The following PTPRT variants were observed in gnomAD, a reference collection of about 807,000 sequenced individuals.
PTPRT encodes receptor-type tyrosine-protein phosphatase T.
PTPRT carries 56 observed loss-of-function variants against 176.8 expected under a neutral mutation model. The observed-to-expected ratio is 0.32, with a 90% confidence interval of 0.26 to 0.40. The LOEUF (loss-of-function observed/expected upper bound fraction) is 0.40. Ranked by LOEUF, PTPRT falls within the 10% of genes least tolerant of loss-of-function variation. The pLI is 1.00. For synonymous variants in PTPRT, 783 were observed against 739.0 expected (o/e 1.06, Z -0.96); for missense variants, 1,540 against 1,908.2 (o/e 0.81, Z 3.60).
At chr20:42,517,730 A>G (rs2072095960) in intron 7 of PTPRT, among the ~76,000 whole-genome samples, 1 of 151,962 alleles carries the variant, frequency 6.6e-6, no homozygotes, top group Non-Finnish European at 1.5e-5. Flanking sequence ...TTTCACTGTG[A>G]TTTCTCCTTT....
At chr20:42,161,661 T>G (rs1010815660) in intron 16 of PTPRT, 119 bp from the exon 17 acceptor site, 27 of 921,240 alleles carry the variant, frequency 2.9e-5, no homozygotes, top group Middle Eastern at 3.4e-4. Context: ...ACTCAACTGA[T>G]AGGGAAACTG....
chr20:42,788,586 C>T (rs1275329247), intron 3 of PTPRT, among the ~76,000 whole-genome samples: 4 of 152,134 alleles, frequency 2.6e-5, no homozygotes, highest in Non-Finnish European at 5.9e-5. Flanking sequence ...TCCAGGATTG[C>T]GGGAGTCACC....
intron 1 of PTPRT, among the ~76,000 whole-genome samples, chr20:42,940,103 A>G (rs1289017466): frequency 1.3e-5 from 2 of 152,180 alleles, no homozygotes; most frequent in African/African-American, 4.8e-5. Context: ...GATAGTCCTT[A>G]TTACTTTAGT....
At chr20:42,534,812 G>A (rs568515626) in intron 7 of PTPRT, among the ~76,000 whole-genome samples, 3 of 152,178 alleles carry the variant, frequency 2.0e-5, no homozygotes, top group East Asian at 3.9e-4. Context: ...CACTCTGCTC[G>A]ATTGCTCCCT....
chr20:42,036,360 T>G, the PTPRT span, among the ~76,000 whole-genome samples: 1 of 152,334 alleles, frequency 6.6e-6, no homozygotes, highest in East Asian at 1.9e-4. Flanking sequence ...AATTGCTGTG[T>G]GCCAGCCACA....
intron 12 of PTPRT, among the ~76,000 whole-genome samples, chr20:42,315,312 T>C (rs924279482): frequency 6.6e-6 from 1 of 151,946 alleles, no homozygotes; most frequent in Non-Finnish European, 1.5e-5. Context: ...AAACCATGAT[T>C]AGTGCATTCC....
intron 1 of PTPRT, among the ~76,000 whole-genome samples, chr20:43,058,812 C>T (rs188300896): frequency 0.06 from 9,121 of 151,064 alleles, 365 homozygotes; most frequent in Middle Eastern, 0.13. Flanking sequence ...ACTAAGAAAA[C>T]CTTATTTTTT....
At chr20:43,129,073 C>T (rs2013554932) in intron 1 of PTPRT, among the ~76,000 whole-genome samples, 1 of 152,198 alleles carries the variant, frequency 6.6e-6, no homozygotes, top group Non-Finnish European at 1.5e-5. Flanking sequence ...TTGTTGTATT[C>T]ACTCTCATCT....
intron 18 of PTPRT, among the ~76,000 whole-genome samples, chr20:42,138,223 TCTC>T (rs1214197018): frequency 6.6e-6 from 1 of 152,160 alleles, no homozygotes; most frequent in East Asian, 1.9e-4. Context: ...GGTCAACAGA[TCTC>T]CTGTTCTCTG....
At chr20:42,298,962 G>A (rs977970129) in intron 12 of PTPRT, among the ~76,000 whole-genome samples, 2 of 151,298 alleles carry the variant, frequency 1.3e-5, no homozygotes, top group Non-Finnish European at 2.9e-5. Context: ...CTGTGCAGCT[G>A]TAAAAAAAAA....
chr20:42,805,666 C>T lies in PTPRT; in HGVS notation c.215-14200G>A, dbSNP rs1453329782. Among the ~76,000 whole-genome samples, 3 of 152,254 alleles carry T rather than the reference C, an allele frequency of 2.0e-5. No homozygotes were observed. In the East Asian group the frequency reaches 5.8e-4, roughly 29 times the overall value. ...TGCCAGTTTTTCATGCCATGATTAC[C>T]CCTTTTAAAATTCTTGATTTTTAGC... On this transcript the variant is annotated intron_variant, in intron 2 of 30. Coordinates refer to ENST00000373187, the MANE Select transcript of PTPRT (RefSeq NM_007050.6).
chr20:42,903,666 T>G (rs957176459), intron 1 of PTPRT, among the ~76,000 whole-genome samples: 4 of 152,168 alleles, frequency 2.6e-5, no homozygotes. Context: ...ACCTTGGCCG[T>G]TAAGTGTGCA....
chr20:42,748,971 G>A (rs893990145), intron 6 of PTPRT, among the ~76,000 whole-genome samples: 5 of 152,110 alleles, frequency 3.3e-5, no homozygotes, highest in Admixed American at 1.3e-4. Context: ...TAAGCACCTT[G>A]CACTCGGAAC....
intron 7 of PTPRT, among the ~76,000 whole-genome samples, chr20:42,566,852 T>A (rs1271699339): frequency 5.9e-5 from 9 of 152,184 alleles, no homozygotes; most frequent in Admixed American, 5.9e-4. Flanking sequence ...AACCCACAAA[T>A]GTGCCATGGC....
In PTPRT at chr20:42,297,486, G is replaced by A. The variant is rs556288522; in HGVS notation, c.2140-14961C>T. Reference sequence around the variant, plus strand: ...ACTCTAATTAATGTATAAATTTAATGCAATCCCAGAATTACTAATAGACTT... The same window carrying A: ...ACTCTAATTAATGTATAAATTTAATACAATCCCAGAATTACTAATAGACTT... On this transcript the variant is annotated intron_variant, in intron 12 of 30. Transcript: ENST00000373187. Among the ~76,000 whole-genome samples, 3 of 152,232 alleles carry A rather than the reference G, an allele frequency of 2.0e-5. No individual in the cohort carries two copies. The South Asian group carries it at 6.2e-4, about 32-fold the overall frequency.
At chr20:42,499,334 C>T (rs1414513195) in intron 7 of PTPRT, among the ~76,000 whole-genome samples, 1 of 151,650 alleles carries the variant, frequency 6.6e-6, no homozygotes, top group Non-Finnish European at 1.5e-5. Context: ...TCTTGTCACC[C>T]AGGCTGAAGT....
intron 1 of PTPRT, among the ~76,000 whole-genome samples, chr20:43,142,019 T>A (rs1444148707): frequency 2.0e-5 from 3 of 152,154 alleles, no homozygotes; most frequent in Admixed American, 2.0e-4. Flanking sequence ...AAGTCTAACC[T>A]CAACTCTCAA....
intron 14 of PTPRT, among the ~76,000 whole-genome samples, chr20:42,248,295 A>G (rs2056488556): frequency 6.6e-6 from 1 of 152,172 alleles, no homozygotes; most frequent in Non-Finnish European, 1.5e-5. Flanking sequence ...ATGGTAAAAC[A>G]TTACTTTCCT....
chr20:42,684,265 G>A (rs1407272674), intron 6 of PTPRT, among the ~76,000 whole-genome samples: 19 of 151,818 alleles, frequency 1.3e-4, no homozygotes, highest in African/African-American at 4.3e-4. Flanking sequence ...GAATCGCTTG[G>A]ACCTGGGAGG....
Sources: gnomAD v4.1 joint callset for allele counts (sites outside exome capture counted in the v4.1 genomes callset) on GRCh38, gnomAD v4.1.1 for gene constraint, MANE v1.5 for transcripts, NCBI Gene and HGNC (gene_info 2026-07-23, HGNC 2026-07-21) for gene names.